RBM25: variants seen among roughly 807,000 people sequenced by gnomAD.
RBM25 encodes the protein RNA binding motif protein 25.
Under a neutral mutation model 120.7 loss-of-function variants are expected in RBM25, and 19 were observed. That is an observed-to-expected ratio of 0.16 (90% CI 0.11 to 0.23). The LOEUF is 0.23. Ranked by LOEUF, RBM25 falls within the 10% of genes least tolerant of loss-of-function variation. RBM25 has a pLI of 1.00. For missense variants in RBM25, 605 were observed against 1,041.5 expected (o/e 0.58, Z 5.77); for synonymous variants, 390 against 326.7 (o/e 1.19, Z -2.09).
intron 1 of RBM25, among the ~76,000 whole-genome samples, chr14:73,061,045 T>A (rs921269219): frequency 6.6e-6 from 1 of 150,826 alleles, no homozygotes; most frequent in East Asian, 1.9e-4. Context: ...TTTTTCTGAG[T>A]TGGTGTACTT....
intron 1 of RBM25, among the ~76,000 whole-genome samples, chr14:73,063,401 G>A (rs1338820301): frequency 2.0e-5 from 3 of 151,124 alleles, no homozygotes; most frequent in South Asian, 2.1e-4. Context: ...CACCCACCTC[G>A]GCCTCCCAAA....
chr14:73,067,792 T>C (rs1895176808), intron 1 of RBM25, among the ~76,000 whole-genome samples: 1 of 151,742 alleles, frequency 6.6e-6, no homozygotes, highest in African/African-American at 2.4e-5. Flanking sequence ...TTTGTATTTT[T>C]AGTAGAGACG....
At chr14:73,100,354 G>A (rs1223730516) in intron 9 of RBM25, 1 of 673,770 alleles carries the variant, frequency 1.5e-6, no homozygotes, top group African/African-American at 1.8e-5. Context: ...AAGTAACAAG[G>A]AATAGGATGT....
chr14:73,088,361 T>A lies in RBM25; in HGVS notation c.543+200T>A, dbSNP rs6574114. 3,480 of 728,414 alleles carry A rather than the reference T, an allele frequency of 4.8e-3. 92 individuals are homozygous for A. The African/African-American group carries it at 0.051, about 11-fold the overall frequency. The allele number at this position is 728,414 out of a possible 1,614,324, so 45.1% of individuals were successfully genotyped here. ...AGTGGGTGGATGACTGTTGGTTTGC[T>A]TGTTCCAGGTTGGGATGAAAGTAGT... On this transcript the variant is annotated intron_variant, in intron 6 of 18. Transcript: ENST00000261973.
chr14:73,097,191 C>T (rs112719445), intron 7 of RBM25, 91 bp downstream of exon 7: 754 of 375,212 alleles, frequency 2.0e-3, no homozygotes, highest in South Asian at 5.9e-3. Flanking sequence ...TTTCTTTTTT[C>T]TTTTCTTTTT....
intron 6 of RBM25, among the ~76,000 whole-genome samples, chr14:73,089,021 A>G (rs1190719096): frequency 6.6e-6 from 1 of 152,106 alleles, no homozygotes. Flanking sequence ...GGGTGCCTGT[A>G]ATCCCAGCAA....
At chr14:73,093,349 T>A (rs560107664) in intron 6 of RBM25, among the ~76,000 whole-genome samples, 5 of 152,352 alleles carry the variant, frequency 3.3e-5, no homozygotes, top group Admixed American at 3.3e-4. Context: ...CCAGCAGAGC[T>A]GTTTAACTTC....
chr14:73,103,934 TCTCTCTCTCTCTCTCACACACACACA>T (rs1203754814), intron 10 of RBM25, among the ~76,000 whole-genome samples: 963 of 58,934 alleles, frequency 0.016, 9 homozygotes, highest in African/African-American at 0.043. Context: ...TCTCTCTCTC[TCTCTCTCTCTCTCTCACACACACACA>T]CACACACACA....
intron 5 of RBM25, among the ~76,000 whole-genome samples, chr14:73,087,128 T>G (rs1454018466): frequency 1.3e-5 from 2 of 152,232 alleles, no homozygotes; most frequent in Admixed American, 1.3e-4. Context: ...CATATTTAGA[T>G]TTATTTGATT....
At chr14:73,114,186 A>G in intron 17 of RBM25, 100 bp from the exon 18 acceptor site, 1 of 820,300 alleles carries the variant, frequency 1.2e-6, no homozygotes, top group Non-Finnish European at 1.9e-6. Flanking sequence ...TAGCCGCAAG[A>G]AGTTCCTGTA....
intron 7 of RBM25, 52 bp downstream of exon 7, chr14:73,097,152 T>C (rs779925386): frequency 3.7e-5 from 48 of 1,309,316 alleles, no homozygotes; most frequent in Non-Finnish European, 2.5e-5. Context: ...TTTTATGATA[T>C]CACTCTTATA....
chr14:73,061,162 A>T lies in RBM25; in HGVS notation c.-16+2457A>T, dbSNP rs574288243. Among the ~76,000 whole-genome samples the T allele has an allele frequency of 1.4e-3, 212 of 150,752 alleles. 2 individuals carry two copies. Among genetic ancestry groups the T allele is most frequent in the African/African-American group, 4.9e-3 (204 of 41,282 alleles). On this transcript the variant is annotated intron_variant, in intron 1 of 18. Transcript: ENST00000261973. Reference sequence around the variant, plus strand: ...AACCTCCGCCTCCCGGGTTCAAGCAATTCTCTTGCCTCATCCTCCATAGAA... The same window carrying T: ...AACCTCCGCCTCCCGGGTTCAAGCATTTCTCTTGCCTCATCCTCCATAGAA...
chr14:73,113,171 C>G (rs916396792), intron 17 of RBM25, among the ~76,000 whole-genome samples: 1 of 151,940 alleles, frequency 6.6e-6, no homozygotes, highest in Non-Finnish European at 1.5e-5. Flanking sequence ...TGTGATGTTC[C>G]CCTCCCTGTG....
At chr14:73,084,073 T>C (rs1180011070) in intron 5 of RBM25, among the ~76,000 whole-genome samples, 2 of 151,962 alleles carry the variant, frequency 1.3e-5, no homozygotes, top group Non-Finnish European at 2.9e-5. Context: ...AATTTTTGTA[T>C]TTTTAGTAGA....
In RBM25 at chr14:73,117,153, A is replaced by G. The variant is rs1896446390; in HGVS notation, c.2440-2560A>G. ...CTGATCAAAAGTTCTTTAATTAATT[A>G]TTGCTATCATTGAGAAAGTGACAGA... On this transcript the variant is annotated intron_variant, in intron 18 of 18. Coordinates refer to ENST00000261973, the MANE Select transcript of RBM25 (RefSeq NM_021239.3). 2.3e-5 allele frequency among the ~76,000 whole-genome samples: 3 copies of G among 128,500 alleles called. 1 individual carries two copies. In the South Asian group the frequency reaches 7.5e-4, roughly 32 times the overall value. 84.3% of individuals were successfully genotyped at this position (128,500 alleles called of 152,430 possible). A position where few individuals can be genotyped will look rare whatever the true frequency, so the allele number is the denominator to read the frequency against.
chr14:73,087,553 G>A (rs572923251), intron 5 of RBM25, among the ~76,000 whole-genome samples: 7 of 152,180 alleles, frequency 4.6e-5, no homozygotes, highest in East Asian at 3.9e-4. Flanking sequence ...CCGCCACCGC[G>A]CCCGGCTAAT....
intron 18 of RBM25, among the ~76,000 whole-genome samples, chr14:73,117,388 C>T (rs184788480): frequency 1.3e-3 from 198 of 151,656 alleles, no homozygotes; most frequent in Middle Eastern, 3.4e-3. Context: ...CCCACCCGCA[C>T]GCCTGGCTAA....
intron 8 of RBM25, 33 bp from the exon 9 acceptor site, chr14:73,099,634 T>C: frequency 1.3e-6 from 2 of 1,590,032 alleles, no homozygotes; most frequent in Non-Finnish European, 1.7e-6. Flanking sequence ...GGGTGTTCTT[T>C]ATTCATTCCC....
At chr14:73,074,392 G>A (rs1463847400) in intron 2 of RBM25, among the ~76,000 whole-genome samples, 6 of 151,996 alleles carry the variant, frequency 3.9e-5, no homozygotes, top group Non-Finnish European at 8.8e-5. Flanking sequence ...ACTCAGATCC[G>A]TTTTTCGATG....
Sources: gnomAD v4.1 joint callset for allele counts (sites outside exome capture counted in the v4.1 genomes callset) on GRCh38, gnomAD v4.1.1 for gene constraint, MANE v1.5 for transcripts, NCBI Gene and HGNC (gene_info 2026-07-23, HGNC 2026-07-21) for gene names.